Variants in ZAN observed in about 807,000 individuals in gnomAD.
The protein encoded by ZAN is zonadhesin.
In ZAN, 260 loss-of-function variants were observed where a neutral mutation model predicts 286.2. The observed-to-expected ratio is 0.91, with a 90% CI of 0.82 to 1.01. The LOEUF is 1.01. Among genes scored for constraint, ZAN ranks in the 50% least tolerant of loss-of-function variants. The probability of loss-of-function intolerance (pLI) is 0.00; values close to 1 mark genes in which losing one functional copy is unlikely to be tolerated. For missense variants in ZAN, 3,410 were observed against 3,639.2 expected (o/e 0.94, Z 1.62); for synonymous variants, 1,368 against 1,417.5 (o/e 0.97, Z 0.79).
chr7:100,773,202 C>A, intron 29 of ZAN, 83 bp from the exon 30 acceptor site: 4 of 1,483,778 alleles, frequency 2.7e-6, no homozygotes, highest in Non-Finnish European at 3.7e-6. Flanking sequence ...CCGCTCCTGG[C>A]CACTACTAGG....
rs528642234 is a variant in ZAN at position 100,735,867 on chromosome 7, C to T, written c.106+95C>T. The T allele has an allele frequency of 1.2e-5, 12 of 975,440 alleles. 1 individual carries two copies. The South Asian group carries it at 1.7e-4, about 14-fold the overall frequency. The allele number at this position is 975,440 out of a possible 1,614,324, so 60.4% of individuals were successfully genotyped here. A position where few individuals can be genotyped will look rare whatever the true frequency, so the allele number is the denominator to read the frequency against. ...CCAGTTCCTGAGTTCCTAGCAGGAG[C>T]AGCCACCTCCAGTCCCCTCCGGGCA... is the stretch of plus-strand genomic sequence containing the variant. On this transcript the variant is annotated intron_variant, in intron 3 of 47. Transcript: ENST00000613979.
intron 37 of ZAN, among the ~76,000 whole-genome samples, chr7:100,786,519 A>C (rs1045614894): frequency 6.6e-6 from 1 of 152,140 alleles, no homozygotes; most frequent in African/African-American, 2.4e-5. Context: ...TGTGATCCTC[A>C]CATCTCAGCC....
chr7:100,797,459 G>T lies in ZAN; in HGVS notation c.8360G>T (p.Arg2787Met), dbSNP rs754814705. The part of the protein sequence containing the change: ...VTRECIYRTR[R>M]KREKTQEGDR... ...AGAGAGTGCATTTACAGAACGAGGA[G>T]GAAGAGGTGAGTCCTGGGAAGGAGA... The change falls in exon 46 of 48, where the codon AGG becomes ATG. Residue 2787 changes from arginine (R) to methionine (M), a missense_variant. Coordinates refer to ENST00000613979, the MANE Select transcript of ZAN (RefSeq NM_003386.3). 1.7e-5 allele frequency: 27 copies of T among 1,613,904 alleles called. No homozygotes were observed. In the East Asian group the frequency reaches 6.0e-4, roughly 36 times the overall value.
chr7:100,778,231 C>T lies in ZAN; in HGVS notation c.6318-1215C>T, dbSNP rs529293055. Among the ~76,000 whole-genome samples the T allele has an allele frequency of 8.5e-5, 13 of 152,206 alleles. No individual in the cohort carries two copies. In the East Asian group the frequency reaches 1.5e-3, roughly 18 times the overall value. On this transcript the variant is annotated intron_variant, in intron 34 of 47. Coordinates refer to ENST00000613979, the MANE Select transcript of ZAN (RefSeq NM_003386.3). ...CTTCAGCAGGAAGATTGGTTGAGTC[C>T]GAGATTTGAAGGCTACAGTGAGCTA...
chr7:100,749,449 G>A (rs1808460488), intron 11 of ZAN, among the ~76,000 whole-genome samples: 2 of 150,598 alleles, frequency 1.3e-5, no homozygotes, highest in South Asian at 4.2e-4. Flanking sequence ...GACCATCCTG[G>A]CTAACACGGT....
rs1473164679 is a variant in ZAN at position 100,797,624 on chromosome 7, G to A, written c.8413+1G>A. On this transcript the variant is annotated splice_donor_variant, in intron 47 of 47. Transcript: ENST00000613979. LOFTEE classifies it high-confidence loss of function. ...AGACTGGCCAGGCTGGTGGACACAG[G>A]TGAGAACCAACCCCACAGCCCGGAA... 2 of 1,613,832 alleles carry A rather than the reference G, an allele frequency of 1.2e-6. No individual in the cohort carries two copies. The highest frequency in any genetic ancestry group is 2.7e-5 in the African/African-American group (2 of 74,914).
chr7:100,760,263 T>C, intron 18 of ZAN, 128 bp from the exon 19 acceptor site: 4 of 1,279,852 alleles, frequency 3.1e-6, no homozygotes, highest in Admixed American at 2.1e-5. Flanking sequence ...TCCAGTCCAC[T>C]CCTGGTGGAT....
At chr7:100,795,681 C>T (rs1812314475) in intron 45 of ZAN, among the ~76,000 whole-genome samples, 2 of 151,686 alleles carry the variant, frequency 1.3e-5, no homozygotes, top group South Asian at 2.1e-4. Context: ...CTGAGGTGGG[C>T]GGATCACGAG....
intron 11 of ZAN, 132 bp downstream of exon 11, chr7:100,748,602 A>G: frequency 8.0e-7 from 1 of 1,251,966 alleles, no homozygotes; most frequent in South Asian, 1.6e-5. Flanking sequence ...TTTTTTCGGA[A>G]GTTTCCATGG....
chr7:100,781,620 A>G (rs947663501), intron 35 of ZAN, among the ~76,000 whole-genome samples: 1 of 149,594 alleles, frequency 6.7e-6, no homozygotes, highest in Non-Finnish European at 1.5e-5. Context: ...GAAAGAAGCT[A>G]TAAGCCTGAG....
intron 34 of ZAN, among the ~76,000 whole-genome samples, chr7:100,778,118 T>G (rs1810943708): frequency 6.6e-6 from 1 of 151,894 alleles, no homozygotes; most frequent in South Asian, 2.1e-4. Flanking sequence ...CTAGGCAGCA[T>G]AGCAAGACCC....
intron 29 of ZAN, among the ~76,000 whole-genome samples, chr7:100,772,678 A>C (rs1448421609): frequency 6.6e-6 from 1 of 151,574 alleles, no homozygotes; most frequent in Non-Finnish European, 1.5e-5. Flanking sequence ...AAAATTAGCC[A>C]GGCGTGGTGG....
At chr7:100,774,822 T>A (rs2116151463) in intron 31 of ZAN, among the ~76,000 whole-genome samples, 1 of 138,752 alleles carries the variant, frequency 7.2e-6, no homozygotes, top group East Asian at 3.4e-4. Flanking sequence ...AGAGAGACCA[T>A]GTCTCAAATA....
In ZAN at chr7:100,767,228, AT is replaced by A. The variant is rs544419694; in HGVS notation, c.4832del (p.Ile1611ThrfsTer11). The A allele has an allele frequency of 1.1e-4, 171 of 1,612,142 alleles. 1 individual carries two copies. The East Asian group carries it at 3.7e-3, about 34-fold the overall frequency. On this transcript the variant is annotated frameshift_variant, in exon 25 of 48. Transcript: ENST00000613979. LOFTEE classifies it high-confidence loss of function. ...AVHVTVFDLS[I>X]SLLRGCKVML... ...CCACGTGACAGTCTTTGACCTCAGC[AT>A]CTCACTGCTCAGAGGCTGTAAGGTC...
In ZAN at chr7:100,750,059, AACACACACACACACAC is replaced by A. The variant is rs373704697; in HGVS notation, c.1250-541_1250-526del. Reference sequence around the variant, plus strand: ...GAGCGAGACTCCATCTCAAAAAAACAACACACACACACACACACACACACACACACACACACACACG... The same window carrying A: ...GAGCGAGACTCCATCTCAAAAAAACAACACACACACACACACACACACACG... On this transcript the variant is annotated intron_variant, in intron 11 of 47. Transcript: ENST00000613979. Among the ~76,000 whole-genome samples, 3 of 122,206 alleles carry A rather than the reference AACACACACACACACAC, an allele frequency of 2.5e-5. 1 individual carries two copies. The highest frequency in any genetic ancestry group is 8.5e-3 in the Middle Eastern group (2 of 236). The allele number at this position is 122,206 out of a possible 152,430, so 80.2% of individuals were successfully genotyped here.
rs375968286 is a variant in ZAN, at chr7:100,791,898, GTTC to G, written c.7530-58_7530-56del. On this transcript the variant is annotated intron_variant, in intron 40 of 47. Coordinates refer to ENST00000613979, the MANE Select transcript of ZAN (RefSeq NM_003386.3). ...AGCCACCACCATGCCCGGCTAATCA[GTTC>G]TTCTTCTTCCCCCACTTCACCTTCC... 6.2e-4 allele frequency: 948 copies of G among 1,518,866 alleles called. 21 individuals carry two copies. In the East Asian group the frequency reaches 0.022, roughly 35 times the overall value. 94.1% of individuals were successfully genotyped at this position (1,518,866 alleles called of 1,614,324 possible).
intron 35 of ZAN, among the ~76,000 whole-genome samples, chr7:100,784,030 T>C (rs1229499043): frequency 1.3e-5 from 2 of 151,120 alleles, no homozygotes; most frequent in Non-Finnish European, 2.9e-5. Flanking sequence ...TTGTATGCTC[T>C]TGCTGTCAAC....
Position 100,755,360 on chromosome 7 carries a change from T to G in ZAN, c.3259T>G (p.Cys1087Gly), listed in dbSNP as rs757086099. The G allele has an allele frequency of 6.2e-7, 1 of 1,613,808 alleles. No homozygotes were observed. The highest frequency in any genetic ancestry group is 2.2e-5 in the East Asian group (1 of 44,878). The change falls in exon 15 of 48, where the codon TGC becomes GGC. Residue 1087 changes from cysteine (C) to glycine (G), a missense_variant. Cys to Gly is a radical substitution (Grantham distance 159). This residue lies in a region of ZAN where 1,042 missense variants were observed against 1,058.0 expected (regional missense o/e 0.98). Transcript: ENST00000613979. ...TGGCTTTTTGTTTAGTGACAACCAC[T>G]GCATCCAGGCCTCTTCCTGCAATTG... ...NPGFLFSDNHCIQASSCNCFY... is the reference protein window; with the variant it reads ...NPGFLFSDNHGIQASSCNCFY...
chr7:100,764,778 T>A (rs977840959), intron 22 of ZAN, among the ~76,000 whole-genome samples: 1 of 151,938 alleles, frequency 6.6e-6, no homozygotes, highest in Non-Finnish European at 1.5e-5. Flanking sequence ...CTTGGGAGGC[T>A]GAGGCAGGAA....
Sources: gnomAD v4.1 joint callset for allele counts (sites outside exome capture counted in the v4.1 genomes callset) on GRCh38, gnomAD v4.1.1 for gene constraint, gnomAD v4.1.1 regional missense constraint, MANE v1.5 for transcripts, NCBI Gene and HGNC (gene_info 2026-07-23, HGNC 2026-07-21) for gene names.